STAC: variants seen among roughly 807,000 people sequenced by gnomAD.
STAC encodes the protein SH3 and cysteine rich domain, also known as SH3 and cysteine-rich domain-containing protein.
In STAC, 43 loss-of-function variants were observed where a neutral mutation model predicts 48.8. The ratio of observed to expected loss-of-function variants is 0.88; its 90% CI spans 0.69 to 1.14. STAC has a LOEUF of 1.14. Among genes scored for constraint, STAC ranks in the 50% most tolerant of loss-of-function variants. The probability of loss-of-function intolerance (pLI) is 0.00; values close to 1 mark genes in which losing one functional copy is unlikely to be tolerated. For synonymous variants in STAC, 193 were observed against 179.5 expected, an observed-to-expected ratio of 1.07 and a Z score of -0.60; for missense variants, 497 against 504.0, an observed-to-expected ratio of 0.99 and a Z score of 0.13.
intron 5 of STAC, among the ~76,000 whole-genome samples, chr3:36,489,061 T>C (rs2125703824): frequency 6.6e-6 from 1 of 152,282 alleles, no homozygotes; most frequent in Middle Eastern, 3.4e-3. Context: ...ATACAAACAA[T>C]GAAGAGTCCC....
intron 1 of STAC, among the ~76,000 whole-genome samples, chr3:36,404,433 C>A (rs545944332): frequency 2.0e-3 from 299 of 152,220 alleles, no homozygotes; most frequent in Admixed American, 3.4e-3. Context: ...TGAGATAATA[C>A]ATGCAAAGCA....
intron 1 of STAC, among the ~76,000 whole-genome samples, chr3:36,425,440 T>C (rs1385645158): frequency 6.6e-6 from 1 of 152,194 alleles, no homozygotes; most frequent in Non-Finnish European, 1.5e-5. Flanking sequence ...GAGGACCTGA[T>C]ACAGATTGGA....
intron 2 of STAC, among the ~76,000 whole-genome samples, chr3:36,472,273 C>T (rs1266716315): frequency 2.0e-5 from 3 of 152,210 alleles, no homozygotes; most frequent in East Asian, 1.9e-4. Flanking sequence ...AAGTCCCTAG[C>T]GTGGGGGCCC....
intron 1 of STAC, among the ~76,000 whole-genome samples, chr3:36,382,807 G>A (rs1400584650): frequency 6.6e-6 from 1 of 152,176 alleles, no homozygotes; most frequent in Non-Finnish European, 1.5e-5. Flanking sequence ...ACATGTTAAA[G>A]CTTACTGGCG....
rs1221234252 is a variant in STAC, at chr3:36,483,042, C to T, written c.439C>T (p.His147Tyr). 1 of 1,614,172 alleles carries T rather than the reference C, an allele frequency of 6.2e-7. No individual in the cohort carries two copies. The highest frequency in any genetic ancestry group is 1.3e-5 in the African/African-American group (1 of 75,056). The change falls in exon 3 of 11, where the codon CAC becomes TAC. Residue 147 changes from histidine to tyrosine, a missense_variant. Transcript: ENST00000273183. ...LRCKACKMSI[H>Y]HKCTDGLAPQ... The stretch of plus-strand genomic sequence containing the variant: ...CTGCAAAGCCTGTAAGATGAGCATC[C>T]ACCACAAGTGCACAGATGGCCTGGC...
chr3:36,421,709 C>T (rs1434581013), intron 1 of STAC, among the ~76,000 whole-genome samples: 3 of 152,120 alleles, frequency 2.0e-5, no homozygotes, highest in African/African-American at 7.2e-5. Flanking sequence ...TAATGATTTT[C>T]AACTTATTGT....
At chr3:36,420,587 T>G (rs1218281378) in intron 1 of STAC, among the ~76,000 whole-genome samples, 4 of 152,136 alleles carry the variant, frequency 2.6e-5, no homozygotes, top group Non-Finnish European at 5.9e-5. Flanking sequence ...GGACGCTAGG[T>G]TGTGCACTCC....
intron 2 of STAC, among the ~76,000 whole-genome samples, chr3:36,466,766 T>G (rs1481661344): frequency 1.3e-5 from 2 of 152,176 alleles, no homozygotes; most frequent in Non-Finnish European, 2.9e-5. Context: ...TAGGGTTTTC[T>G]AGGTATAGGA....
intron 2 of STAC, among the ~76,000 whole-genome samples, chr3:36,450,573 T>A (rs1388304731): frequency 6.6e-6 from 1 of 152,236 alleles, no homozygotes; most frequent in Non-Finnish European, 1.5e-5. Context: ...TCACCCAGGC[T>A]GGAGTGCAGT....
At chr3:36,392,839 A>G (rs2125618050) in intron 1 of STAC, among the ~76,000 whole-genome samples, 1 of 152,118 alleles carries the variant, frequency 6.6e-6, no homozygotes, top group South Asian at 2.1e-4. Context: ...TCACCTCCCA[A>G]TCCCAGGGAG....
At chr3:36,380,789 C>A in intron 1 of STAC, 35 bp downstream of exon 1, 1 of 1,504,560 alleles carries the variant, frequency 6.6e-7, no homozygotes, top group Non-Finnish European at 9.2e-7. Flanking sequence ...AGAACACAAA[C>A]TCACTCTCCT....
intron 1 of STAC, among the ~76,000 whole-genome samples, chr3:36,419,144 C>T (rs1455144885): frequency 6.6e-6 from 1 of 151,822 alleles, no homozygotes; most frequent in Non-Finnish European, 1.5e-5. Context: ...TGGATTGTAC[C>T]ATTCACCACT....
At chr3:36,424,723 G>T (rs1700524248) in intron 1 of STAC, among the ~76,000 whole-genome samples, 1 of 152,104 alleles carries the variant, frequency 6.6e-6, no homozygotes, top group Non-Finnish European at 1.5e-5. Flanking sequence ...GGGGAAAGGG[G>T]CATGCCAAAA....
chr3:36,498,792 A>T (rs747664232), intron 6 of STAC, among the ~76,000 whole-genome samples: 7 of 152,100 alleles, frequency 4.6e-5, no homozygotes, highest in Non-Finnish European at 8.8e-5. Context: ...GAGAGAGACA[A>T]TATGTAAGAA....
In STAC at chr3:36,492,025, AAAAAAAATATATATATATATATATAT is replaced by A. The variant is rs1301609800; in HGVS notation, c.688-1124_688-1099del. On this transcript the variant is annotated intron_variant, in intron 5 of 10. Coordinates refer to ENST00000273183, the MANE Select transcript of STAC (RefSeq NM_003149.3). ...CTCAAGAAAAAAAAAAAAAAAAAAA[AAAAAAAATATATATATATATATATAT>A]ATATATATATATATATGTGACTGTC... Among the ~76,000 whole-genome samples, 18 of 22,990 alleles carry A rather than the reference AAAAAAAATATATATATATATATATAT, an allele frequency of 7.8e-4. 1 individual carries two copies. Among genetic ancestry groups the A allele is most frequent in the African/African-American group, 2.0e-3 (18 of 9,206 alleles). The allele number at this position is 22,990 out of a possible 152,430, so 15.1% of individuals were successfully genotyped here.
At chr3:36,530,588 T>G (rs1699039402) in intron 10 of STAC, among the ~76,000 whole-genome samples, 1 of 142,434 alleles carries the variant, frequency 7.0e-6, no homozygotes, top group Non-Finnish European at 1.5e-5. Flanking sequence ...TTCTTTTTTT[T>G]TTTTCTTTTT....
intron 2 of STAC, among the ~76,000 whole-genome samples, chr3:36,450,941 C>A (rs1575208477): frequency 6.6e-6 from 1 of 152,224 alleles, no homozygotes; most frequent in Middle Eastern, 3.4e-3. Context: ...TACACTCAGC[C>A]TTTTTTGTCA....
At chr3:36,400,634 G>A (rs1699981975) in intron 1 of STAC, among the ~76,000 whole-genome samples, 1 of 152,176 alleles carries the variant, frequency 6.6e-6, no homozygotes, top group Non-Finnish European at 1.5e-5. Context: ...CAGATTATTG[G>A]ACTTCATCCC....
At chr3:36,528,241 C>T (rs1698982578) in intron 8 of STAC, among the ~76,000 whole-genome samples, 1 of 152,024 alleles carries the variant, frequency 6.6e-6, no homozygotes, top group South Asian at 2.1e-4. Flanking sequence ...GAAGCCGAGG[C>T]GGGCAGATCG....
Sources: allele counts gnomAD v4.1 joint callset (sites outside exome capture counted in the v4.1 genomes callset), GRCh38; gene constraint gnomAD v4.1.1; transcripts MANE v1.5; gene names NCBI Gene and HGNC (gene_info 2026-07-23, HGNC 2026-07-21).